The following CDR2L variants were observed in gnomAD, a reference collection of about 807,000 sequenced individuals.
CDR2L encodes cerebellar degeneration-related protein 2-like.
In CDR2L, 19 loss-of-function variants were observed where a neutral mutation model predicts 36.1. The observed-to-expected ratio is 0.53, with a 90% CI of 0.37 to 0.77. CDR2L has a LOEUF of 0.77. Ranked by LOEUF, CDR2L falls within the 30% of genes least tolerant of loss-of-function variation. The pLI, the probability that CDR2L is intolerant of heterozygous loss-of-function variation, is 0.00. For missense variants in CDR2L, 575 were observed against 627.2 expected (o/e 0.92, Z 0.89); for synonymous variants, 285 against 280.4 (o/e 1.02, Z -0.16).
intron 1 of CDR2L, among the ~76,000 whole-genome samples, chr17:74,993,382 A>G (rs1394771593): frequency 1.3e-5 from 2 of 152,068 alleles, no homozygotes; most frequent in Non-Finnish European, 2.9e-5. Flanking sequence ...GGTTCAGGCA[A>G]TTCTCCTGCC....
At chr17:74,994,177 G>A (rs1355301455) in intron 1 of CDR2L, among the ~76,000 whole-genome samples, 2 of 152,182 alleles carry the variant, frequency 1.3e-5, no homozygotes, top group African/African-American at 2.4e-5. Flanking sequence ...GGGCTCAGCC[G>A]AAACAACCGT....
intron 1 of CDR2L, among the ~76,000 whole-genome samples, chr17:74,996,627 C>T (rs549258295): frequency 6.6e-6 from 1 of 151,992 alleles, no homozygotes; most frequent in Admixed American, 6.6e-5. Context: ...ACCCGCCCAT[C>T]CCCCACAACA....
intron 1 of CDR2L, among the ~76,000 whole-genome samples, chr17:74,996,844 C>A (rs916056738): frequency 6.6e-6 from 1 of 152,070 alleles, no homozygotes; most frequent in African/African-American, 2.4e-5. Context: ...ACCAGGAGCC[C>A]GATACCTGAA....
chr17:74,990,870 T>C (rs2039792609), intron 1 of CDR2L, among the ~76,000 whole-genome samples: 1 of 152,234 alleles, frequency 6.6e-6, no homozygotes, highest in Non-Finnish European at 1.5e-5. Flanking sequence ...TCCACCCAGC[T>C]GCTCCCTGGT....
At position 75,003,579 on chromosome 17, in the gene CDR2L, G is replaced by A. The variant is rs1391391663; in HGVS notation, c.903G>A (p.Gly301=). The change falls in exon 5 of 5, where the codon GGG becomes GGA. Residue 301 remains glycine (G), a synonymous_variant. Coordinates refer to ENST00000337231, the MANE Select transcript of CDR2L (RefSeq NM_014603.3). Reference sequence around the variant, plus strand: ...GGGACGACTTGGGCGCCCAGGACGGGGTCTCCTCACCGGCAGCCTCTCCAG... The same window carrying A: ...GGGACGACTTGGGCGCCCAGGACGGAGTCTCCTCACCGGCAGCCTCTCCAG... The part of the protein sequence containing the change: ...GRGDDLGAQD[G]VSSPAASPGH... The A allele has an allele frequency of 1.8e-5, 27 of 1,508,626 alleles. No homozygotes were observed. The highest frequency in any genetic ancestry group is 2.4e-5 in the Non-Finnish European group (27 of 1,127,926). 93.5% of individuals were successfully genotyped at this position (1,508,626 alleles called of 1,614,324 possible).
chr17:74,988,515 G>A (rs2039777625), intron 1 of CDR2L, among the ~76,000 whole-genome samples: 1 of 152,184 alleles, frequency 6.6e-6, no homozygotes. Context: ...TGCTGGGAGG[G>A]TGGCTTGTGT....
At chr17:74,999,481 T>C (rs2039851218) in intron 1 of CDR2L, 23 bp from the exon 2 acceptor site, 1 of 1,488,530 alleles carries the variant, frequency 6.7e-7, no homozygotes, top group Non-Finnish European at 9.2e-7. Flanking sequence ...TTTGTTCTCA[T>C]GCTCGTGTTT....
intron 2 of CDR2L, among the ~76,000 whole-genome samples, chr17:75,001,086 T>G (rs1167830010): frequency 1.3e-5 from 2 of 151,412 alleles, no homozygotes; most frequent in Admixed American, 1.3e-4. Flanking sequence ...ATACCAAAAT[T>G]AGCCAGGCAT....
At chr17:74,992,663 G>T (rs1009447493) in intron 1 of CDR2L, among the ~76,000 whole-genome samples, 9 of 152,150 alleles carry the variant, frequency 5.9e-5, no homozygotes, top group Non-Finnish European at 1.2e-4. Flanking sequence ...CTTAGCTTGC[G>T]CTGTGATCCA....
At chr17:74,997,430 C>T (rs556473783) in intron 1 of CDR2L, among the ~76,000 whole-genome samples, 70 of 152,252 alleles carry the variant, frequency 4.6e-4, no homozygotes, top group African/African-American at 1.6e-3. Flanking sequence ...GCCTGAGCCT[C>T]CCGGGGAGAG....
At chr17:74,993,897 G>A (rs992344529) in intron 1 of CDR2L, among the ~76,000 whole-genome samples, 11 of 152,190 alleles carry the variant, frequency 7.2e-5, no homozygotes, top group African/African-American at 2.7e-4. Flanking sequence ...CACAGGATCA[G>A]ACTCCGGATT....
chr17:74,999,311 C>CACACACACAT (rs779343017), intron 1 of CDR2L, among the ~76,000 whole-genome samples, 193 bp from the exon 2 acceptor site: 1 of 150,530 alleles, frequency 6.6e-6, no homozygotes, highest in African/African-American at 2.4e-5. Context: ...CACACACACA[C>CACACACACAT]ACACAGACAC....
rs940607636 is a variant in CDR2L at position 75,002,976 on chromosome 17, C to T, written c.507-207C>T. On this transcript the variant is annotated intron_variant, in intron 4 of 4. Transcript: ENST00000337231. This position sits in a 1 kb window ranked among gnomAD's most constrained non-coding sequence, Gnocchi z 4.1. Reference sequence around the variant, plus strand: ...AGAGAACCAGGCAACCTGACAGAGGCGGTCCGTAGTGGTCAGCCTCCGGGG... The same window carrying T: ...AGAGAACCAGGCAACCTGACAGAGGTGGTCCGTAGTGGTCAGCCTCCGGGG... Among the ~76,000 whole-genome samples the T allele has an allele frequency of 3.3e-5, 5 of 152,194 alleles. No homozygotes were observed. Among genetic ancestry groups the T allele is most frequent in the African/African-American group, 1.2e-4 (5 of 41,454 alleles).
At chr17:74,992,997 T>C (rs555462997) in intron 1 of CDR2L, among the ~76,000 whole-genome samples, 27 of 152,344 alleles carry the variant, frequency 1.8e-4, no homozygotes, top group African/African-American at 6.5e-4. Flanking sequence ...ACTTGGAGCA[T>C]GTCCTCCGAC....
At position 75,003,429 on chromosome 17, in the gene CDR2L, G is replaced by A. The variant is rs780948092; in HGVS notation, c.753G>A (p.Leu251=). 1.1e-5 allele frequency: 17 copies of A among 1,576,820 alleles called. No homozygotes were observed. In the South Asian group the frequency reaches 2.0e-4, roughly 18 times the overall value. ...GTGTGCAGGAGCTGGAGGCCGAGCT[G>A]CTGGAGCTGCAGCAGATGAAGCAGG... ...RLRVQELEAE[L]LELQQMKQAK... The change falls in exon 5 of 5, where the codon CTG becomes CTA. Residue 251 remains leucine, a synonymous_variant. Coordinates refer to ENST00000337231, the MANE Select transcript of CDR2L (RefSeq NM_014603.3).
chr17:74,992,048 AC>A (rs564093931), intron 1 of CDR2L, among the ~76,000 whole-genome samples: 96 of 152,242 alleles, frequency 6.3e-4, no homozygotes, highest in African/African-American at 2.3e-3. Context: ...GGAGCTGAGA[AC>A]AGGACCTCAC....
chr17:75,001,183 G>A (rs1275372374), intron 2 of CDR2L, among the ~76,000 whole-genome samples, 158 bp from the exon 3 acceptor site: 3 of 152,124 alleles, frequency 2.0e-5, no homozygotes, highest in East Asian at 1.9e-4. Context: ...GCAGTAAGCC[G>A]AAATCATGCC....
chr17:75,002,835 T>G lies in CDR2L; in HGVS notation c.507-348T>G, dbSNP rs909586583. Among the ~76,000 whole-genome samples the G allele has an allele frequency of 6.6e-6, 1 of 151,920 alleles. No homozygotes were observed. Among genetic ancestry groups the G allele is most frequent in the Non-Finnish European group, 1.5e-5 (1 of 67,948 alleles). On this transcript the variant is annotated intron_variant, in intron 4 of 4. Transcript: ENST00000337231. This position sits in a 1 kb window ranked among gnomAD's most constrained non-coding sequence, Gnocchi z 4.1. ...AGGGAGGTTACCGGCACCTGGAAGGTATGGAGAAGGCTGCCTGGTCACCAT... is the reference window on the plus strand; with the variant it reads ...AGGGAGGTTACCGGCACCTGGAAGGGATGGAGAAGGCTGCCTGGTCACCAT...
intron 1 of CDR2L, among the ~76,000 whole-genome samples, chr17:74,991,726 A>AC (rs2039798544): frequency 3.8e-5 from 1 of 26,362 alleles, no homozygotes; most frequent in South Asian, 1.8e-3. Context: ...CAAAAAAAGA[A>AC]AAAAAGAAAG....
Sources: gnomAD v4.1 joint callset for allele counts (sites outside exome capture counted in the v4.1 genomes callset) on GRCh38, gnomAD v4.1.1 for gene constraint, Gnocchi (gnomAD v3.1) non-coding constraint, MANE v1.5 for transcripts, NCBI Gene and HGNC (gene_info 2026-07-23, HGNC 2026-07-21) for gene names.